The following ZW10 variants were observed in gnomAD, a reference collection of about 807,000 sequenced individuals.
ZW10 encodes centromere/kinetochore protein zw10 homolog.
In ZW10, 53 loss-of-function variants were observed where a neutral mutation model predicts 87.8. That is an observed-to-expected ratio of 0.60 (90% confidence interval 0.48 to 0.76). The LOEUF (loss-of-function observed/expected upper bound fraction) is 0.76, where lower values mean the gene tolerates loss of function less well. Among genes scored for constraint, ZW10 ranks in the 30% least tolerant of loss-of-function variants. The pLI is 0.00. For synonymous variants in ZW10, 312 were observed against 329.2 expected (o/e 0.95, Z 0.57); for missense variants, 837 against 923.0 (o/e 0.91, Z 1.21).
chr11:113,756,665 C>A (rs1320692951), intron 7 of ZW10, among the ~76,000 whole-genome samples: 1 of 152,204 alleles, frequency 6.6e-6, no homozygotes, highest in African/African-American at 2.4e-5. Flanking sequence ...AGTTCTCTCT[C>A]ACTAAAAGCA....
chr11:113,736,876 G>C (rs903993324), intron 14 of ZW10, 54 bp from the exon 15 acceptor site: 6 of 1,557,366 alleles, frequency 3.9e-6, no homozygotes, highest in Non-Finnish European at 5.3e-6. Context: ...GCTCAGAAGT[G>C]GGGAAAGGGC....
At chr11:113,745,114 T>C (rs970945431) in intron 9 of ZW10, among the ~76,000 whole-genome samples, 3 of 151,760 alleles carry the variant, frequency 2.0e-5, no homozygotes, top group African/African-American at 4.8e-5. Context: ...AAAGCTTCAA[T>C]AGAAAATTTC....
At chr11:113,736,870 A>C in intron 14 of ZW10, 48 bp from the exon 15 acceptor site, 4 of 1,578,052 alleles carry the variant, frequency 2.5e-6, no homozygotes, top group Non-Finnish European at 3.5e-6. Context: ...GGGCCAGCTC[A>C]GAAGTGGGGA....
chr11:113,744,989 T>C (rs1245793342), intron 9 of ZW10, among the ~76,000 whole-genome samples: 1 of 152,138 alleles, frequency 6.6e-6, no homozygotes, highest in Non-Finnish European at 1.5e-5. Context: ...TAATTTGGGG[T>C]TCCACTGTCT....
At position 113,768,938 on chromosome 11, in the gene ZW10, C is replaced by G; in HGVS notation, c.135G>C (p.Lys45Asn). Reference protein sequence around the residue: ...KGEVCNMISKKYSEFLPSMQS... With the variant: ...KGEVCNMISKNYSEFLPSMQS... ...GCATGCTAGGCAGGAATTCACTGTA[C>G]TTCTTGCTAATCATATTGCACACCT... The change falls in exon 2 of 16, where the codon AAG becomes AAC. Residue 45 changes from lysine to asparagine, a missense_variant. Physicochemically the swap from Lys to Asn is moderately conservative, Grantham distance 94. Transcript: ENST00000200135. 6.2e-7 allele frequency: 1 copy of G among 1,614,146 alleles called. No homozygotes were observed. Among genetic ancestry groups the G allele is most frequent in the Non-Finnish European group, 8.5e-7 (1 of 1,179,990 alleles).
chr11:113,756,471 C>T (rs758481434), intron 7 of ZW10, among the ~76,000 whole-genome samples: 8 of 152,128 alleles, frequency 5.3e-5, no homozygotes, highest in Non-Finnish European at 8.8e-5. Context: ...ATAAAGTAGA[C>T]ATTACAGGGT....
intron 11 of ZW10, 138 bp from the exon 12 acceptor site, chr11:113,739,520 C>T: frequency 1.4e-6 from 1 of 716,610 alleles, no homozygotes; most frequent in Non-Finnish European, 2.1e-6. Flanking sequence ...TAACAAGATA[C>T]AATCTCATCA....
intron 3 of ZW10, 97 bp from the exon 4 acceptor site, chr11:113,760,687 C>A: frequency 2.6e-6 from 3 of 1,146,368 alleles, no homozygotes; most frequent in South Asian, 3.0e-5. Context: ...CCCCCTCCCC[C>A]CTCTAAAAAA....
intron 15 of ZW10, 105 bp downstream of exon 15, chr11:113,736,515 G>C: frequency 8.7e-7 from 1 of 1,155,588 alleles, no homozygotes; most frequent in South Asian, 1.3e-5. Context: ...TGAAAGTCTT[G>C]CATGACTAAC....
At chr11:113,737,424 CAG>C in intron 14 of ZW10, 146 bp downstream of exon 14, 1 of 771,728 alleles carries the variant, frequency 1.3e-6, no homozygotes, top group East Asian at 2.6e-5. Flanking sequence ...TCTAGCAAAA[CAG>C]ATATAAAACA....
chr11:113,739,098 G>T, intron 12 of ZW10, 115 bp downstream of exon 12: 2 of 1,170,990 alleles, frequency 1.7e-6, no homozygotes, highest in African/African-American at 1.6e-5. Context: ...CCCACTTTCT[G>T]ATACAGCTCA....
At chr11:113,739,996 T>C (rs1244417068) in intron 11 of ZW10, among the ~76,000 whole-genome samples, 1 of 152,196 alleles carries the variant, frequency 6.6e-6, no homozygotes, top group Non-Finnish European at 1.5e-5. Flanking sequence ...CGTATTAGTC[T>C]TATCTACCCA....
chr11:113,760,433 G>T (rs1055399112), intron 4 of ZW10, 65 bp from the exon 5 acceptor site: 14 of 1,603,352 alleles, frequency 8.7e-6, no homozygotes, highest in Non-Finnish European at 1.2e-5. Flanking sequence ...GAATATATTT[G>T]CATAATGATA....
At chr11:113,744,999 T>C (rs1316137592) in intron 9 of ZW10, among the ~76,000 whole-genome samples, 1 of 152,126 alleles carries the variant, frequency 6.6e-6, no homozygotes, top group Non-Finnish European at 1.5e-5. Context: ...TTCCACTGTC[T>C]AGATTCTTGA....
chr11:113,767,081 T>TA, intron 2 of ZW10, among the ~76,000 whole-genome samples: 1 of 152,046 alleles, frequency 6.6e-6, no homozygotes, highest in South Asian at 2.1e-4. Context: ...TCAAGCAAGT[T>TA]AAAATCCTAG....
At chr11:113,750,020 C>A (rs900288724) in intron 7 of ZW10, among the ~76,000 whole-genome samples, 2 of 152,238 alleles carry the variant, frequency 1.3e-5, no homozygotes, top group East Asian at 1.9e-4. Flanking sequence ...TATGGTGATA[C>A]CTACATAAAT....
intron 5 of ZW10, 143 bp downstream of exon 5, chr11:113,760,066 A>G (rs1591420214): frequency 2.9e-6 from 3 of 1,017,256 alleles, no homozygotes; most frequent in Non-Finnish European, 4.1e-6. Context: ...CTAAGAAAGC[A>G]TCTTGCTAAC....
chr11:113,768,128 A>C (rs973223504), intron 2 of ZW10, among the ~76,000 whole-genome samples: 1 of 152,248 alleles, frequency 6.6e-6, no homozygotes, highest in East Asian at 1.9e-4. Flanking sequence ...TGCAGAATAA[A>C]TATACCAAAT....
chr11:113,743,555 C>G (rs951361203), intron 10 of ZW10, among the ~76,000 whole-genome samples: 2 of 152,178 alleles, frequency 1.3e-5, no homozygotes, highest in Non-Finnish European at 2.9e-5. Context: ...ATTTGTCCAT[C>G]CATACAAGTG....
Sources: allele counts gnomAD v4.1 joint callset (sites outside exome capture counted in the v4.1 genomes callset), GRCh38; gene constraint gnomAD v4.1.1; transcripts MANE v1.5; gene names NCBI Gene and HGNC (gene_info 2026-07-23, HGNC 2026-07-21).